Variants in CYRIB observed in about 807,000 individuals in gnomAD.
The protein encoded by CYRIB is CYFIP related Rac1 interactor B, also known as CYFIP-related Rac1 interactor B.
A neutral mutation model predicts 44.2 loss-of-function variants in CYRIB; 8 were observed. The observed-to-expected ratio is 0.18, with a 90% CI of 0.11 to 0.33. The LOEUF (loss-of-function observed/expected upper bound fraction) is 0.33, where lower values mean the gene tolerates loss of function less well. Among genes scored for constraint, CYRIB ranks in the 10% least tolerant of loss-of-function variants. The probability of loss-of-function intolerance (pLI) is 1.00; values close to 1 mark genes in which losing one functional copy is unlikely to be tolerated. For missense variants in CYRIB, 185 were observed against 382.8 expected, an observed-to-expected ratio of 0.48 and a Z score of 4.31; for synonymous variants, 131 against 127.2, an observed-to-expected ratio of 1.03 and a Z score of -0.20.
chr8:129,928,090 A>T (rs535192164), intron 1 of CYRIB, among the ~76,000 whole-genome samples: 1 of 151,980 alleles, frequency 6.6e-6, no homozygotes, highest in Non-Finnish European at 1.5e-5. Context: ...AAGATTTCTT[A>T]GATATGACAC....
intron 1 of CYRIB, among the ~76,000 whole-genome samples, chr8:130,001,794 T>C (rs1227682428): frequency 6.6e-6 from 1 of 152,124 alleles, no homozygotes; most frequent in Non-Finnish European, 1.5e-5. Flanking sequence ...AAATAATTTC[T>C]ATAGGACCTG....
intron 2 of CYRIB, among the ~76,000 whole-genome samples, chr8:129,951,287 G>C (rs972111829): frequency 6.6e-6 from 1 of 152,126 alleles, no homozygotes; most frequent in Non-Finnish European, 1.5e-5. Flanking sequence ...CTGGGTGACA[G>C]AGCGAGACTC....
At chr8:129,992,432 C>G (rs550913460) in intron 1 of CYRIB, among the ~76,000 whole-genome samples, 3 of 152,262 alleles carry the variant, frequency 2.0e-5, no homozygotes, top group Non-Finnish European at 4.4e-5. Flanking sequence ...CTGCCACCCC[C>G]TCTTGGAACA....
At chr8:129,925,537 C>G (rs956657788) in intron 1 of CYRIB, among the ~76,000 whole-genome samples, 6 of 152,196 alleles carry the variant, frequency 3.9e-5, no homozygotes, top group African/African-American at 1.4e-4. Flanking sequence ...TCCTGTCCCC[C>G]TTATACCTAC....
exon 1 of CYRIB, chr8:130,016,413 G>A (rs1421754000): frequency 6.7e-6 from 1 of 149,678 alleles, no homozygotes; most frequent in African/African-American, 2.4e-5. Flanking sequence ...CGGGAGCGCA[G>A]GAGCCTCGGA....
intron 1 of CYRIB, among the ~76,000 whole-genome samples, chr8:129,988,985 G>T (rs536152959): frequency 6.6e-6 from 1 of 152,270 alleles, no homozygotes; most frequent in South Asian, 2.1e-4. Context: ...AATGGAAACT[G>T]AAATTTCAAG....
intron 2 of CYRIB, among the ~76,000 whole-genome samples, chr8:129,947,311 C>T (rs1270839956): frequency 6.6e-6 from 1 of 152,096 alleles, no homozygotes; most frequent in Non-Finnish European, 1.5e-5. Flanking sequence ...CCTCCTGCCT[C>T]GGTTTCCAAA....
Position 129,925,164 on chromosome 8 carries a change from G to A in CYRIB, c.-50+14444C>T, listed in dbSNP as rs760170305. Among the ~76,000 whole-genome samples the A allele has an allele frequency of 3.9e-5, 6 of 152,178 alleles. 1 individual carries two copies. The highest frequency in any genetic ancestry group is 3.9e-4 in the East Asian group (2 of 5,162). ...TGTAATCCCAGCACTTTGGGAGGCC[G>A]AGGAAGATGGATCACGTGAGGTCAG... On this transcript the variant is annotated intron_variant, in intron 1 of 11. Coordinates refer to ENST00000519824, the Ensembl canonical transcript of CYRIB.
intron 1 of CYRIB, among the ~76,000 whole-genome samples, chr8:129,974,352 C>T (rs780262160): frequency 9.9e-5 from 15 of 152,076 alleles, no homozygotes; most frequent in Non-Finnish European, 1.6e-4. Flanking sequence ...CTACCAGAAA[C>T]GTTGCTTATT....
intron 2 of CYRIB, among the ~76,000 whole-genome samples, chr8:129,960,534 C>T (rs1432889266): frequency 6.7e-6 from 1 of 150,284 alleles, no homozygotes; most frequent in African/African-American, 2.5e-5. Context: ...ACCTGGGAGG[C>T]AGAGGTTGCA....
chr8:129,854,363 A>G lies in CYRIB; in HGVS notation c.439-20T>C, dbSNP rs778288324. Reference sequence around the variant, plus strand: ...TGTCATCTGAAGAAGACAGTTGTGGAAAAAAAATGTTATGTACTAAATGCT... The same window carrying G: ...TGTCATCTGAAGAAGACAGTTGTGGGAAAAAAATGTTATGTACTAAATGCT... On this transcript the variant is annotated intron_variant, in intron 6 of 11. Transcript: ENST00000519824. 4.3e-4 allele frequency: 670 copies of G among 1,568,488 alleles called. No individual in the cohort carries two copies. Among genetic ancestry groups the G allele is most frequent in the Non-Finnish European group, 5.7e-4 (659 of 1,151,208 alleles).
chr8:130,007,905 G>T (rs1201605328), intron 1 of CYRIB, among the ~76,000 whole-genome samples: 1 of 150,936 alleles, frequency 6.6e-6, no homozygotes, highest in Non-Finnish European at 1.5e-5. Flanking sequence ...CCTGATGGGA[G>T]CCCTGTTAAG....
chr8:129,928,105 T>C (rs1347796652), intron 1 of CYRIB, among the ~76,000 whole-genome samples: 1 of 150,830 alleles, frequency 6.6e-6, no homozygotes, highest in African/African-American at 2.4e-5. Flanking sequence ...TGACACACAC[T>C]GCACCATTCT....
intron 1 of CYRIB, among the ~76,000 whole-genome samples, chr8:130,001,071 T>C (rs2096896524): frequency 6.6e-6 from 1 of 152,114 alleles, no homozygotes; most frequent in Non-Finnish European, 1.5e-5. Flanking sequence ...CAGGCAAAGA[T>C]GACAAGTGGG....
intron 6 of CYRIB, 28 bp from the exon 9 acceptor site, chr8:129,854,371 T>A (rs751262833): frequency 2.6e-6 from 4 of 1,509,438 alleles, no homozygotes; most frequent in African/African-American, 1.4e-5. Context: ...GGAAAAAAAA[T>A]GTTATGTACT....
At chr8:129,862,417 A>G (rs1290134405) in intron 4 of CYRIB, 83 bp from the exon 7 acceptor site, 44 of 1,032,976 alleles carry the variant, frequency 4.3e-5, no homozygotes, top group Non-Finnish European at 5.8e-5. Context: ...GCTTTAGCAA[A>G]CATAGGAAAC....
chr8:129,876,256 C>G (rs934186082), intron 3 of CYRIB, among the ~76,000 whole-genome samples: 2 of 152,014 alleles, frequency 1.3e-5, no homozygotes, highest in Admixed American at 1.3e-4. Flanking sequence ...GTAATTCCAG[C>G]TACTTTTGGG....
intron 1 of CYRIB, among the ~76,000 whole-genome samples, chr8:130,000,006 G>T (rs1370781145): frequency 6.6e-6 from 1 of 152,122 alleles, no homozygotes; most frequent in Non-Finnish European, 1.5e-5. Flanking sequence ...TGTCCCCCTT[G>T]TGTTTTAGTC....
At chr8:129,935,756 T>C (rs544001425) in intron 1 of CYRIB, among the ~76,000 whole-genome samples, 1 of 152,330 alleles carries the variant, frequency 6.6e-6, no homozygotes, top group Admixed American at 6.5e-5. Context: ...CAATAGTACC[T>C]TAATGTTGAT....
Sources: gnomAD v4.1 joint callset for allele counts (sites outside exome capture counted in the v4.1 genomes callset) on GRCh38, gnomAD v4.1.1 for gene constraint, MANE v1.5 for transcripts, NCBI Gene and HGNC (gene_info 2026-07-23, HGNC 2026-07-21) for gene names.